CTDSPL2: variants seen among roughly 807,000 people sequenced by gnomAD.
The protein encoded by CTDSPL2 is CTD small phosphatase-like protein 2.
In CTDSPL2, 5 loss-of-function variants were observed where a neutral mutation model predicts 60.0. That is an observed-to-expected ratio of 0.08 (90% CI 0.04 to 0.18). CTDSPL2 has a LOEUF of 0.18. Among genes scored for constraint, CTDSPL2 ranks in the 10% least tolerant of loss-of-function variants. The pLI, the probability that CTDSPL2 is intolerant of heterozygous loss-of-function variation, is 1.00. For missense variants in CTDSPL2, 370 were observed against 548.8 expected (o/e 0.67, Z 3.26); for synonymous variants, 186 against 189.3 (o/e 0.98, Z 0.14).
At chr15:44,512,251 G>A (rs1237813713) in intron 8 of CTDSPL2, among the ~76,000 whole-genome samples, 1 of 151,922 alleles carries the variant, frequency 6.6e-6, no homozygotes, top group East Asian at 1.9e-4. Flanking sequence ...GACGTTCAAA[G>A]GAAATGCTCA....
At chr15:44,503,561 T>C (rs1162987434) in intron 8 of CTDSPL2, 1 of 152,250 alleles carries the variant, frequency 6.6e-6, no homozygotes, top group East Asian at 1.9e-4. Flanking sequence ...AACCACCTCC[T>C]CAATGACCTT....
intron 1 of CTDSPL2, among the ~76,000 whole-genome samples, chr15:44,429,748 C>T (rs1165835371): frequency 6.6e-6 from 1 of 152,170 alleles, no homozygotes; most frequent in Non-Finnish European, 1.5e-5. Context: ...CACCTGTAGT[C>T]CCAGCTACTC....
At chr15:44,514,208 G>A (rs769217599) in intron 8 of CTDSPL2, among the ~76,000 whole-genome samples, 1 of 152,234 alleles carries the variant, frequency 6.6e-6, no homozygotes, top group Non-Finnish European at 1.5e-5. Flanking sequence ...GAAGGTCATT[G>A]AGACAGGTCA....
chr15:44,433,503 G>T (rs961176892), intron 1 of CTDSPL2, among the ~76,000 whole-genome samples: 3 of 150,642 alleles, frequency 2.0e-5, no homozygotes, highest in Non-Finnish European at 3.0e-5. Context: ...TTTCTCTTGA[G>T]ATGGACTCTC....
At chr15:44,522,248 G>A (rs2081792399) in intron 12 of CTDSPL2, among the ~76,000 whole-genome samples, 1 of 152,018 alleles carries the variant, frequency 6.6e-6, no homozygotes, top group South Asian at 2.1e-4. Flanking sequence ...TTCCCAGGCT[G>A]GTCTTGAACT....
intron 3 of CTDSPL2, among the ~76,000 whole-genome samples, chr15:44,486,020 C>T (rs1393856346): frequency 2.0e-5 from 3 of 152,030 alleles, no homozygotes; most frequent in Admixed American, 2.0e-4. Flanking sequence ...AATTATTTTC[C>T]CTAGCCACTC....
chr15:44,523,228 C>G (rs151059773), intron 12 of CTDSPL2, among the ~76,000 whole-genome samples: 1 of 152,112 alleles, frequency 6.6e-6, no homozygotes, highest in Non-Finnish European at 1.5e-5. Context: ...AACTCCTGAC[C>G]TCAGGTAATC....
intron 1 of CTDSPL2, among the ~76,000 whole-genome samples, chr15:44,436,651 C>T (rs1446667977): frequency 6.6e-6 from 1 of 152,180 alleles, no homozygotes; most frequent in Non-Finnish European, 1.5e-5. Flanking sequence ...GGAGGTCATT[C>T]CTTTAGTAAC....
chr15:44,493,258 G>A (rs2081246414), intron 5 of CTDSPL2, among the ~76,000 whole-genome samples: 1 of 152,214 alleles, frequency 6.6e-6, no homozygotes, highest in Admixed American at 6.5e-5. Context: ...GGATGATCAT[G>A]AGAGTATAGA....
intron 1 of CTDSPL2, among the ~76,000 whole-genome samples, chr15:44,438,159 A>G (rs1337167604): frequency 1.3e-5 from 2 of 152,070 alleles, no homozygotes; most frequent in African/African-American, 4.8e-5. Context: ...AGCTACTCGG[A>G]AGGCTGGGGC....
At chr15:44,448,805 G>T in intron 1 of CTDSPL2, 1 of 352,586 alleles carries the variant, frequency 2.8e-6, no homozygotes. Flanking sequence ...GGACGCTTAG[G>T]AGGGAAAAAA....
intron 1 of CTDSPL2, among the ~76,000 whole-genome samples, chr15:44,447,384 T>A (rs2080239331): frequency 6.6e-6 from 1 of 152,180 alleles, no homozygotes; most frequent in Non-Finnish European, 1.5e-5. Context: ...TTGCCACAAC[T>A]ACAAAAAAAT....
In CTDSPL2 at chr15:44,473,152, T is replaced by C. The variant is rs184995593; in HGVS notation, c.187-11072T>C. Among the ~76,000 whole-genome samples, 66 of 152,190 alleles carry C rather than the reference T, an allele frequency of 4.3e-4. 1 individual carries two copies. Among genetic ancestry groups the C allele is most frequent in the African/African-American group, 1.5e-3 (63 of 41,530 alleles). ...CCCTTTTCAGAGATATGCAAATATT[T>C]TCTTCTATGCTGTGGACCCTTTCTG... On this transcript the variant is annotated intron_variant, in intron 2 of 12. Transcript: ENST00000260327.
chr15:44,480,686 A>T (rs2081011025), intron 2 of CTDSPL2, among the ~76,000 whole-genome samples: 1 of 152,034 alleles, frequency 6.6e-6, no homozygotes, highest in South Asian at 2.1e-4. Context: ...TAAAAACATT[A>T]ACAGGGCGTG....
At chr15:44,452,031 A>G (rs2080343602) in intron 1 of CTDSPL2, among the ~76,000 whole-genome samples, 5 of 152,200 alleles carry the variant, frequency 3.3e-5, no homozygotes, top group Admixed American at 3.3e-4. Flanking sequence ...ACTGAAATTT[A>G]TGTGGTTATT....
intron 2 of CTDSPL2, among the ~76,000 whole-genome samples, chr15:44,460,922 T>C (rs1258495532): frequency 2.6e-5 from 4 of 152,202 alleles, no homozygotes; most frequent in Non-Finnish European, 5.9e-5. Flanking sequence ...CTACGTATTA[T>C]TACTTCATTC....
chr15:44,501,911 C>G (rs562942684), intron 8 of CTDSPL2: 1 of 431,448 alleles, frequency 2.3e-6, no homozygotes, highest in East Asian at 7.1e-5. Context: ...CCCCAGTTTT[C>G]AGACCAGCAA....
chr15:44,452,999 T>C (rs1030440637), intron 1 of CTDSPL2, among the ~76,000 whole-genome samples: 1 of 152,204 alleles, frequency 6.6e-6, no homozygotes, highest in Non-Finnish European at 1.5e-5. Flanking sequence ...ATAATGTCTT[T>C]TGGTAGACGG....
At chr15:44,477,116 C>G (rs1318656237) in intron 2 of CTDSPL2, among the ~76,000 whole-genome samples, 1 of 152,214 alleles carries the variant, frequency 6.6e-6, no homozygotes, top group East Asian at 1.9e-4. Flanking sequence ...GTAGTCCCAG[C>G]TACTTCAGAG....
Sources: gnomAD v4.1 joint callset for allele counts (sites outside exome capture counted in the v4.1 genomes callset) on GRCh38, gnomAD v4.1.1 for gene constraint, MANE v1.5 for transcripts, NCBI Gene and HGNC (gene_info 2026-07-23, HGNC 2026-07-21) for gene names.